PHACTR2: variants seen among roughly 807,000 people sequenced by gnomAD.
The protein encoded by PHACTR2 is phosphatase and actin regulator 2, also known as chromosome 6 open reading frame 56.
In PHACTR2, 30 loss-of-function variants were observed where a neutral mutation model predicts 76.0. The ratio of observed to expected loss-of-function variants is 0.39; its 90% CI spans 0.30 to 0.54. The LOEUF (loss-of-function observed/expected upper bound fraction) is 0.54, where lower values mean the gene tolerates loss of function less well. PHACTR2 is among the 20% of genes least tolerant of loss of function. The pLI is 0.61. For missense variants in PHACTR2, 696 were observed against 781.1 expected (o/e 0.89, Z 1.30); for synonymous variants, 292 against 292.5 (o/e 1.00, Z 0.02).
At chr6:143,752,942 A>G (rs1779218106) in intron 3 of PHACTR2, among the ~76,000 whole-genome samples, 1 of 152,172 alleles carries the variant, frequency 6.6e-6, no homozygotes, top group Non-Finnish European at 1.5e-5. Flanking sequence ...TCACTTTAGA[A>G]ACCCCCAGGA....
At chr6:143,756,698 C>CAA (rs10538549) in intron 4 of PHACTR2, among the ~76,000 whole-genome samples, 3 of 122,732 alleles carry the variant, frequency 2.4e-5, no homozygotes, top group East Asian at 2.6e-4. Context: ...GACTCCGTCT[C>CAA]AAAAAAAAAA....
Position 143,558,244 on chromosome 6 carries a change from A to G in PHACTR2, c.217+21037A>G, listed in dbSNP as rs1775208157. 6.6e-6 allele frequency: 1 copy of G among 152,176 alleles called. No homozygotes were observed. Among genetic ancestry groups the G allele is most frequent in the African/African-American group, 2.4e-5 (1 of 41,444 alleles). The allele number at this position is 152,176 out of a possible 1,614,324, so 9.4% of individuals were successfully genotyped here. A position where few individuals can be genotyped will look rare whatever the true frequency, so the allele number is the denominator to read the frequency against. On this transcript the variant is annotated intron_variant, in intron 1 of 11. Coordinates refer to the PHACTR2 transcript ENST00000367584. The surrounding 1 kb of genome is among the most constrained non-coding windows in gnomAD (Gnocchi z 4.7). ...AAAGTTATCCTGGATATATTTGATG[A>G]TATTAAGGAATTAATGTTCCTTCTT...
At chr6:143,631,404 G>A (rs950842532) in intron 1 of PHACTR2, among the ~76,000 whole-genome samples, 3 of 152,060 alleles carry the variant, frequency 2.0e-5, no homozygotes, top group African/African-American at 7.2e-5. Flanking sequence ...GTGCTGCCCA[G>A]TCTGGTCTTA....
intron 2 of PHACTR2, among the ~76,000 whole-genome samples, chr6:143,736,870 G>A (rs945953374): frequency 4.0e-5 from 6 of 151,576 alleles, no homozygotes; most frequent in Non-Finnish European, 7.4e-5. Flanking sequence ...CAACACGTCC[G>A]GCCTACAAGA....
chr6:143,783,719 G>C lies in PHACTR2; in HGVS notation c.1707+439G>C, dbSNP rs1168905055. Among the ~76,000 whole-genome samples the C allele has an allele frequency of 6.6e-6, 1 of 152,156 alleles. No individual in the cohort carries two copies. Among genetic ancestry groups the C allele is most frequent in the Non-Finnish European group, 1.5e-5 (1 of 68,040 alleles). ...TGTGCTAATTTTGAATAATTAACAA[G>C]GGTTTTAAGTTGCATTTACTCCATG... is the stretch of plus-strand genomic sequence containing the variant. On this transcript the variant is annotated intron_variant, in intron 10 of 12. Transcript: ENST00000440869. The surrounding 1 kb of genome is among the most constrained non-coding windows in gnomAD (Gnocchi z 5.2).
intron 10 of PHACTR2, among the ~76,000 whole-genome samples, chr6:143,785,111 A>G (rs1775524425): frequency 6.6e-6 from 1 of 152,200 alleles, no homozygotes; most frequent in African/African-American, 2.4e-5. Context: ...TCCACAGTCC[A>G]AAGTCTCATC....
rs2128425902 is a variant in PHACTR2 at position 143,537,121 on chromosome 6, A to G, written c.131A>G (p.Asp44Gly). ...CCTGCCCTGCGCTGGCTTCCCGGGG[A>G]CCCGAGCCCCCGCGGCCGCTCACAG... is the stretch of plus-strand genomic sequence containing the variant. The change falls in exon 1 of 12, where the codon GAC becomes GGC. Residue 44 changes from aspartate (D) to glycine (G), a missense_variant. Asp to Gly is a moderately conservative substitution (Grantham distance 94). Coordinates refer to the PHACTR2 transcript ENST00000367584. This position sits in a 1 kb window ranked among gnomAD's most constrained non-coding sequence, Gnocchi z 4.4. The G allele has an allele frequency of 6.5e-6, 2 of 305,422 alleles. No individual in the cohort carries two copies. Among genetic ancestry groups the G allele is most frequent in the Non-Finnish European group, 1.3e-5 (2 of 156,526 alleles). The allele number at this position is 305,422 out of a possible 1,614,324, so 18.9% of individuals were successfully genotyped here. A position where few individuals can be genotyped will look rare whatever the true frequency, so the allele number is the denominator to read the frequency against.
intron 1 of PHACTR2, among the ~76,000 whole-genome samples, chr6:143,660,690 C>T (rs142377775): frequency 0.022 from 3,336 of 152,220 alleles, 134 homozygotes; most frequent in Admixed American, 0.1. Flanking sequence ...AACATTCAGT[C>T]CAGACAGATG....
In PHACTR2 at chr6:143,764,095, G is replaced by A. The variant is rs1779499460; in HGVS notation, c.695-1166G>A. On this transcript the variant is annotated intron_variant, in intron 5 of 12. Transcript: ENST00000440869. The surrounding 1 kb of genome is among the most constrained non-coding windows in gnomAD (Gnocchi z 4.7). ...TTGAGGGTGCCCTATCCGGAAGTAG[G>A]CAAATATACCATAGCTATCCTTCGA... Among the ~76,000 whole-genome samples, 1 of 152,170 alleles carries A rather than the reference G, an allele frequency of 6.6e-6. No individual in the cohort carries two copies. Among genetic ancestry groups the A allele is most frequent in the South Asian group, 2.1e-4 (1 of 4,822 alleles).
chr6:143,805,605 A>G (rs1776047955), intron 11 of PHACTR2, among the ~76,000 whole-genome samples: 1 of 150,062 alleles, frequency 6.7e-6, no homozygotes, highest in Non-Finnish European at 1.5e-5. Flanking sequence ...TGCAGTAAGC[A>G]AAAGTATCCT....
Position 143,780,250 on chromosome 6 carries a change from A to G in PHACTR2, c.1645+2867A>G, listed in dbSNP as rs28546310. ...TAACATCTTGCTTTATGACATATCTATGCATCTGTTGATCCAGCTTTTTTT... is the reference window on the plus strand; with the variant it reads ...TAACATCTTGCTTTATGACATATCTGTGCATCTGTTGATCCAGCTTTTTTT... On this transcript the variant is annotated intron_variant, in intron 9 of 12. Transcript: ENST00000440869. This position sits in a 1 kb window ranked among gnomAD's most constrained non-coding sequence, Gnocchi z 4.4. Among the ~76,000 whole-genome samples, 41,518 of 152,008 alleles carry G rather than the reference A, an allele frequency of 0.27. 5,842 individuals are homozygous for G. Among genetic ancestry groups the G allele is most frequent in the South Asian group, 0.33 (1,589 of 4,814 alleles).
intron 2 of PHACTR2, among the ~76,000 whole-genome samples, chr6:143,744,579 G>A (rs1413151781): frequency 6.6e-6 from 1 of 152,220 alleles, no homozygotes; most frequent in African/African-American, 2.4e-5. Context: ...TTGTGGGACA[G>A]GATGGAGTGA....
chr6:143,783,153 A>G lies in PHACTR2; in HGVS notation c.1646-66A>G. 1.1e-6 allele frequency: 1 copy of G among 950,840 alleles called. No individual in the cohort carries two copies. The highest frequency in any genetic ancestry group is 1.7e-6 in the Non-Finnish European group (1 of 591,706). 58.9% of individuals were successfully genotyped at this position (950,840 alleles called of 1,614,324 possible). A position where few individuals can be genotyped will look rare whatever the true frequency, so the allele number is the denominator to read the frequency against. ...TAGAGTCACATGATCGTGGCCTGAT[A>G]CACTTTTCTGAATATGAAATCATCT... On this transcript the variant is annotated intron_variant, in intron 9 of 12. Transcript: ENST00000440869. The surrounding 1 kb of genome is among the most constrained non-coding windows in gnomAD (Gnocchi z 5.2).
rs1775566898 is a variant in PHACTR2 at position 143,581,079 on chromosome 6, TCCCTCAGGGCCAAAA to T, written c.217+43875_217+43889del. ...CAACATTTTGGAAAAGTGTGGGAAA[TCCCTCAGGGCCAAAA>T]CCAGAGGGAGTTGGACACCAGAGTG... On this transcript the variant is annotated intron_variant, in intron 1 of 11. Transcript: ENST00000367584. The surrounding 1 kb of genome is among the most constrained non-coding windows in gnomAD (Gnocchi z 4.5). Among the ~76,000 whole-genome samples the T allele has an allele frequency of 6.6e-6, 1 of 152,148 alleles. No individual in the cohort carries two copies. Among genetic ancestry groups the T allele is most frequent in the Non-Finnish European group, 1.5e-5 (1 of 68,030 alleles).
intron 2 of PHACTR2, among the ~76,000 whole-genome samples, chr6:143,721,203 A>G (rs1321411181): frequency 6.6e-6 from 1 of 152,214 alleles, no homozygotes; most frequent in East Asian, 1.9e-4. Context: ...AGTTGAAATA[A>G]TAATGCATTA....
In PHACTR2 at chr6:143,539,728, C is replaced by A. The variant is rs929727762; in HGVS notation, c.217+2521C>A. On this transcript the variant is annotated intron_variant, in intron 1 of 11. Coordinates refer to the PHACTR2 transcript ENST00000367584. This position sits in a 1 kb window ranked among gnomAD's most constrained non-coding sequence, Gnocchi z 4.3. ...CGGACCAGCATCTGTGGCCTCATCT[C>A]AGAATCTCAGGCCCCACCCTAGGCC... Among the ~76,000 whole-genome samples, 1 of 152,186 alleles carries A rather than the reference C, an allele frequency of 6.6e-6. No homozygotes were observed. The highest frequency in any genetic ancestry group is 6.5e-5 in the Admixed American group (1 of 15,284).
rs911176391 is a variant in PHACTR2, at chr6:143,724,476, T to C, written c.214+12293T>C. On this transcript the variant is annotated intron_variant, in intron 2 of 12. Coordinates refer to ENST00000440869, the MANE Select transcript of PHACTR2 (RefSeq NM_001100164.2). ...TAGAAAACATTCACCTTTTCCAGAC[T>C]AGAGCAAAGGATGATGCGACCCAAC... Among the ~76,000 whole-genome samples the C allele has an allele frequency of 2.0e-4, 30 of 152,242 alleles. No individual in the cohort carries two copies. The East Asian group carries it at 4.6e-3, about 24-fold the overall frequency.
rs1389255188 is a variant in PHACTR2, at chr6:143,827,156, ATATATATATATATAT to A, written c.*3468_*3482del. On this transcript the variant is annotated 3_prime_UTR_variant, in exon 13 of 13. Transcript: ENST00000440869. ...GGCTGCGTTGGCATTAAAAAAGAAA[ATATATATATATATAT>A]ATATATATATATATATATATATATA... 787 of 18,358 alleles carry A rather than the reference ATATATATATATATAT, an allele frequency of 0.043. 24 individuals are homozygous for A. Among genetic ancestry groups the A allele is most frequent in the African/African-American group, 0.11 (670 of 5,934 alleles). 1.1% of individuals were successfully genotyped at this position (18,358 alleles called of 1,614,324 possible). A position where few individuals can be genotyped will look rare whatever the true frequency, so the allele number is the denominator to read the frequency against.
rs1776189069 is a variant in PHACTR2, at chr6:143,623,130, A to T, written c.13+14808A>T. Among the ~76,000 whole-genome samples, 1 of 152,330 alleles carries T rather than the reference A, an allele frequency of 6.6e-6. No individual in the cohort carries two copies. Among genetic ancestry groups the T allele is most frequent in the African/African-American group, 2.4e-5 (1 of 41,572 alleles). On this transcript the variant is annotated intron_variant, in intron 1 of 11. Coordinates refer to the PHACTR2 transcript ENST00000305766. This position sits in a 1 kb window ranked among gnomAD's most constrained non-coding sequence, Gnocchi z 5.9. ...GTGAGAGTGGAAAAAAGCAATTTTTAAAAATAGCATATTTTTAGACATGAT... is the reference window on the plus strand; with the variant it reads ...GTGAGAGTGGAAAAAAGCAATTTTTTAAAATAGCATATTTTTAGACATGAT...
Sources: allele counts gnomAD v4.1 joint callset (sites outside exome capture counted in the v4.1 genomes callset), GRCh38; gene constraint gnomAD v4.1.1; non-coding constraint Gnocchi (gnomAD v3.1); transcripts MANE v1.5; gene names NCBI Gene and HGNC (gene_info 2026-07-23, HGNC 2026-07-21).